HAPLN1: variants seen among roughly 807,000 people sequenced by gnomAD.
HAPLN1 encodes the protein Cartilage link protein.
Under a neutral mutation model 36.5 loss-of-function variants are expected in HAPLN1, and 13 were observed. The observed-to-expected ratio is 0.36, with a 90% CI of 0.23 to 0.57. The LOEUF (loss-of-function observed/expected upper bound fraction) is 0.57. HAPLN1 is among the 20% of genes least tolerant of loss of function. HAPLN1 has a pLI of 0.83. For missense variants in HAPLN1, 407 were observed against 439.7 expected, an observed-to-expected ratio of 0.93 and a Z score of 0.66; for synonymous variants, 202 against 169.8, an observed-to-expected ratio of 1.19 and a Z score of -1.48.
intron 1 of HAPLN1, among the ~76,000 whole-genome samples, chr5:83,689,987 G>A (rs1366438761): frequency 6.6e-6 from 1 of 151,992 alleles, no homozygotes; most frequent in Non-Finnish European, 1.5e-5. Flanking sequence ...AAGAGCTAAT[G>A]TTATTTTACA....
At chr5:83,688,642 C>CTTTTTTTTTTTTTTTTTTTTTTT (rs539790396) in intron 1 of HAPLN1, among the ~76,000 whole-genome samples, 1 of 80,560 alleles carries the variant, frequency 1.2e-5, no homozygotes, top group African/African-American at 5.2e-5. Context: ...GCTTTTGATT[C>CTTTTTTTTTTTTTTTTTTTTTTT]TTTTTTTTTT....
chr5:83,661,243 T>A (rs1439785159), intron 2 of HAPLN1, among the ~76,000 whole-genome samples: 3 of 152,086 alleles, frequency 2.0e-5, no homozygotes. Flanking sequence ...TATCTATCCA[T>A]CTATATCTAC....
chr5:83,694,072 A>G (rs1011525173), intron 1 of HAPLN1, among the ~76,000 whole-genome samples: 8 of 152,000 alleles, frequency 5.3e-5, no homozygotes, highest in Non-Finnish European at 1.2e-4. Context: ...CAAGAAATGT[A>G]AAAGGATTTA....
intron 2 of HAPLN1, among the ~76,000 whole-genome samples, chr5:83,664,691 T>C (rs1411894167): frequency 6.6e-6 from 1 of 152,188 alleles, no homozygotes. Flanking sequence ...CAAAAAAAAC[T>C]TTTATATTTA....
intron 2 of HAPLN1, among the ~76,000 whole-genome samples, chr5:83,668,466 T>G (rs1479268100): frequency 6.6e-6 from 1 of 152,188 alleles, no homozygotes; most frequent in Non-Finnish European, 1.5e-5. Flanking sequence ...AATTGGAAGA[T>G]TGGTCTAGAC....
At chr5:83,654,441 A>G (rs760671475) in intron 2 of HAPLN1, among the ~76,000 whole-genome samples, 11 of 152,224 alleles carry the variant, frequency 7.2e-5, no homozygotes, top group African/African-American at 1.4e-4. Flanking sequence ...TACCCTACAT[A>G]TAAGTTTTTC....
Position 83,712,300 on chromosome 5 carries a change from G to A in HAPLN1, c.-27+8489C>T, listed in dbSNP as rs577600136. Among the ~76,000 whole-genome samples, 4 of 152,084 alleles carry A rather than the reference G, an allele frequency of 2.6e-5. No individual in the cohort carries two copies. In the South Asian group the frequency reaches 8.3e-4, roughly 32 times the overall value. On this transcript the variant is annotated intron_variant, in intron 1 of 4. Coordinates refer to ENST00000274341, the MANE Select transcript of HAPLN1 (RefSeq NM_001884.4). ...ATATTATATATATTTTTTTCTGAAT[G>A]TATGGTCCTTAATTTAAAAATGATT...
At chr5:83,705,847 A>T (rs2112633804) in intron 1 of HAPLN1, among the ~76,000 whole-genome samples, 1 of 152,230 alleles carries the variant, frequency 6.6e-6, no homozygotes, top group Admixed American at 6.5e-5. Flanking sequence ...TAAAGAAGAA[A>T]AGAGAGAATA....
intron 2 of HAPLN1, among the ~76,000 whole-genome samples, chr5:83,670,986 C>T (rs1428030921): frequency 6.6e-6 from 1 of 151,552 alleles, no homozygotes; most frequent in Non-Finnish European, 1.5e-5. Flanking sequence ...AGCCACCATG[C>T]CTGGCTTTCT....
At chr5:83,697,119 A>C (rs1751405765) in intron 1 of HAPLN1, among the ~76,000 whole-genome samples, 1 of 152,130 alleles carries the variant, frequency 6.6e-6, no homozygotes, top group Non-Finnish European at 1.5e-5. Context: ...ATTCTAAATG[A>C]TTCTAAATGA....
intron 2 of HAPLN1, among the ~76,000 whole-genome samples, chr5:83,658,959 C>A (rs938297449): frequency 5.3e-5 from 8 of 152,068 alleles, no homozygotes; most frequent in Admixed American, 2.0e-4. Flanking sequence ...TTGCCTTGTG[C>A]CCTCACCTAC....
chr5:83,641,736 C>T lies in HAPLN1; in HGVS notation c.825G>A (p.Ala275=), dbSNP rs758171654. The T allele has an allele frequency of 3.7e-6, 6 of 1,613,978 alleles. No homozygotes were observed. Among genetic ancestry groups the T allele is most frequent in the Admixed American group, 3.3e-5 (2 of 59,988 alleles). ...IHPTKLTYDE[A]VQACLNDGAQ... is the part of the protein sequence containing the mutation. Reference sequence around the variant, plus strand: ...CACCATCATTGAGACAAGCTTGCACCGCTTCATCATAGGTCAGTTTGGTGG... The same window carrying T: ...CACCATCATTGAGACAAGCTTGCACTGCTTCATCATAGGTCAGTTTGGTGG... The change falls in exon 5 of 5, where the codon GCG becomes GCA. Residue 275 remains alanine (A), a synonymous_variant. Transcript: ENST00000274341.
At chr5:83,702,979 T>C (rs1006534983) in intron 1 of HAPLN1, among the ~76,000 whole-genome samples, 1 of 152,232 alleles carries the variant, frequency 6.6e-6, no homozygotes, top group Non-Finnish European at 1.5e-5. Flanking sequence ...TTCAAAGTGC[T>C]GGGATTGCAG....
At chr5:83,698,724 G>A (rs1258035567) in intron 1 of HAPLN1, among the ~76,000 whole-genome samples, 2 of 152,114 alleles carry the variant, frequency 1.3e-5, no homozygotes, top group Non-Finnish European at 2.9e-5. Context: ...TTTTATAATG[G>A]ATAATGAAAC....
chr5:83,643,163 T>TA (rs2112551107), intron 4 of HAPLN1, among the ~76,000 whole-genome samples: 1 of 151,734 alleles, frequency 6.6e-6, no homozygotes, highest in South Asian at 2.1e-4. Context: ...ATGTCTACAT[T>TA]AAAAAGAAGA....
intron 2 of HAPLN1, among the ~76,000 whole-genome samples, chr5:83,659,979 C>T (rs2112577874): frequency 6.6e-6 from 1 of 152,110 alleles, no homozygotes; most frequent in Admixed American, 6.6e-5. Context: ...GATTGTACTC[C>T]TCCCATCCAG....
chr5:83,652,393 G>T (rs777390449), intron 3 of HAPLN1, 60 bp downstream of exon 3: 11 of 1,482,986 alleles, frequency 7.4e-6, no homozygotes, highest in Non-Finnish European at 1.0e-5. Flanking sequence ...TACTCTTCAT[G>T]AAAAAAAAAG....
At chr5:83,667,076 G>C (rs1401666630) in intron 2 of HAPLN1, among the ~76,000 whole-genome samples, 4 of 152,168 alleles carry the variant, frequency 2.6e-5, no homozygotes, top group African/African-American at 7.2e-5. Context: ...TGCAGAGACT[G>C]TATGTTTTGT....
At chr5:83,656,275 C>T (rs187642019) in intron 2 of HAPLN1, among the ~76,000 whole-genome samples, 24 of 128,702 alleles carry the variant, frequency 1.9e-4, no homozygotes, top group African/African-American at 6.3e-4. Flanking sequence ...TGGCAGTGAG[C>T]TGAGATTGTG....
Sources: allele counts gnomAD v4.1 joint callset (sites outside exome capture counted in the v4.1 genomes callset), GRCh38; gene constraint gnomAD v4.1.1; transcripts MANE v1.5; gene names NCBI Gene and HGNC (gene_info 2026-07-23, HGNC 2026-07-21).